The following MOV10L1 variants were observed in gnomAD, a reference collection of about 807,000 sequenced individuals.
The protein encoded by MOV10L1 is Mov10 like RNA helicase 1.
In MOV10L1, 110 loss-of-function variants were observed where a neutral mutation model predicts 143.8. That is an observed-to-expected ratio of 0.76 (90% CI 0.66 to 0.90). The LOEUF (loss-of-function observed/expected upper bound fraction) is 0.90, where lower values mean the gene tolerates loss of function less well. Among genes scored for constraint, MOV10L1 ranks in the 40% least tolerant of loss-of-function variants. The pLI is 0.00. For missense variants in MOV10L1, 1,406 were observed against 1,526.8 expected (o/e 0.92, Z 1.32); for synonymous variants, 593 against 581.1 (o/e 1.02, Z -0.29).
At chr22:50,123,730 G>A (rs1602232549) in intron 10 of MOV10L1, among the ~76,000 whole-genome samples, 2 of 152,298 alleles carry the variant, frequency 1.3e-5, no homozygotes, top group South Asian at 4.1e-4. Context: ...AGAAAGATTG[G>A]TATTAGTTAG....
intron 8 of MOV10L1, among the ~76,000 whole-genome samples, chr22:50,116,841 A>G (rs1268536188): frequency 2.6e-5 from 4 of 151,802 alleles, no homozygotes; most frequent in African/African-American, 9.7e-5. Context: ...TTTTTTGCAG[A>G]GACAGGTTCA....
At chr22:50,090,533 A>G (rs2062403642) in intron 1 of MOV10L1, 1 of 1,605,034 alleles carries the variant, frequency 6.2e-7, no homozygotes, top group Admixed American at 1.7e-5. Flanking sequence ...AAAGCCCCGA[A>G]AAACGCGGCC....
intron 6 of MOV10L1, 50 bp downstream of exon 6, chr22:50,113,838 A>G (rs1357086749): frequency 7.0e-7 from 1 of 1,433,558 alleles, no homozygotes; most frequent in East Asian, 2.6e-5. Context: ...AATGGCTTTT[A>G]CACTATGACT....
intron 1 of MOV10L1, 57 bp downstream of exon 1, chr22:50,090,242 A>AG: frequency 7.1e-7 from 1 of 1,402,648 alleles, no homozygotes; most frequent in Non-Finnish European, 9.3e-7. Flanking sequence ...GTCGGCCACG[A>AG]GGGAGCCGCG....
At chr22:50,113,906 T>A in intron 6 of MOV10L1, 118 bp downstream of exon 6, 12 of 739,370 alleles carry the variant, frequency 1.6e-5, no homozygotes, top group African/African-American at 1.9e-5. Context: ...TTTATGAAGA[T>A]CTTTTCTTTT....
chr22:50,127,770 G>GTT (rs34095613), intron 12 of MOV10L1, among the ~76,000 whole-genome samples: 23 of 150,586 alleles, frequency 1.5e-4, no homozygotes, highest in South Asian at 8.4e-4. Flanking sequence ...TGTAATGACT[G>GTT]TTTTTTTTGT....
In MOV10L1 at chr22:50,106,392, C is replaced by G. The variant is rs1045208425; in HGVS notation, c.443-1744C>G. Among the ~76,000 whole-genome samples, 6 of 144,588 alleles carry G rather than the reference C, an allele frequency of 4.1e-5. No homozygotes were observed. In the South Asian group the frequency reaches 1.3e-3, roughly 32 times the overall value. The allele number at this position is 144,588 out of a possible 152,430, so 94.9% of individuals were successfully genotyped here. On this transcript the variant is annotated intron_variant, in intron 3 of 26. Transcript: ENST00000262794. ...TGTTGCCCAGGCTGGTCTCAAACTCCTGGGCTCAAGTGATCTTCCCACCTC... is the reference window on the plus strand; with the variant it reads ...TGTTGCCCAGGCTGGTCTCAAACTCGTGGGCTCAAGTGATCTTCCCACCTC...
rs4838850 is a variant in MOV10L1 at position 50,144,832 on chromosome 22, C to G, written c.2505+589C>G. 2.5e-3 allele frequency among the ~76,000 whole-genome samples: 375 copies of G among 151,778 alleles called. 2 individuals are homozygous for G. The highest frequency in any genetic ancestry group is 3.9e-3 in the Non-Finnish European group (261 of 67,778). ...TCCTGACCTCATGATCTGCCCGCCT[C>G]GGCCTCCCAAAGTGCTGGGATTACA... On this transcript the variant is annotated intron_variant, in intron 18 of 26. Transcript: ENST00000262794.
intron 22 of MOV10L1, among the ~76,000 whole-genome samples, chr22:50,153,488 G>A (rs542710154): frequency 1.3e-5 from 2 of 152,356 alleles, no homozygotes; most frequent in African/African-American, 4.8e-5. Flanking sequence ...CAAGAGAAGC[G>A]AAGCTGCCCA....
At chr22:50,099,239 C>G (rs1261296458) in intron 2 of MOV10L1, among the ~76,000 whole-genome samples, 1 of 152,198 alleles carries the variant, frequency 6.6e-6, no homozygotes, top group Non-Finnish European at 1.5e-5. Flanking sequence ...CCCAGAGAAC[C>G]CCTTTGCCCT....
intron 3 of MOV10L1, among the ~76,000 whole-genome samples, chr22:50,107,179 A>G (rs1489753645): frequency 6.6e-6 from 1 of 150,832 alleles, no homozygotes; most frequent in Non-Finnish European, 1.5e-5. Flanking sequence ...GGTTCACGCC[A>G]TTCTCCTGCC....
chr22:50,136,543 C>T (rs568650271), intron 15 of MOV10L1, among the ~76,000 whole-genome samples: 1 of 152,324 alleles, frequency 6.6e-6, no homozygotes, highest in South Asian at 2.1e-4. Context: ...AGAGAGGAAA[C>T]AAATGAGGTG....
chr22:50,137,377 A>G (rs746842826), intron 15 of MOV10L1, among the ~76,000 whole-genome samples: 3 of 152,210 alleles, frequency 2.0e-5, no homozygotes, highest in Non-Finnish European at 2.9e-5. Context: ...TGAAAAATAT[A>G]TTGGACAGAA....
Position 50,092,074 on chromosome 22 carries a change from G to A in MOV10L1, c.171G>A (p.Met57Ile), listed in dbSNP as rs1729271923. Reference protein sequence around the residue: ...YCSDYGMIDDMIYFSSDAVTS... With the variant: ...YCSDYGMIDDIIYFSSDAVTS... Reference sequence around the variant, plus strand: ...GCGATTATGGCATGATTGATGATATGATCTACTTCTCCAGTGATGCTGTGA... The same window carrying A: ...GCGATTATGGCATGATTGATGATATAATCTACTTCTCCAGTGATGCTGTGA... Residue 57 changes from methionine (M) to isoleucine (I), a missense_variant, in exon 2 of 27, where the codon ATG (methionine) becomes ATA (isoleucine). Coordinates refer to ENST00000262794, the MANE Select transcript of MOV10L1 (RefSeq NM_018995.3). 12 of 1,614,164 alleles carry A rather than the reference G, an allele frequency of 7.4e-6. No homozygotes were observed. The highest frequency in any genetic ancestry group is 1.0e-5 in the Non-Finnish European group (12 of 1,180,018).
intron 17 of MOV10L1, among the ~76,000 whole-genome samples, chr22:50,143,595 G>C (rs2063052009): frequency 6.6e-6 from 1 of 152,080 alleles, no homozygotes; most frequent in Admixed American, 6.5e-5. Context: ...ACTTTTGATG[G>C]GGTTACAACC....
chr22:50,144,410 G>T (rs1008347921), intron 18 of MOV10L1, among the ~76,000 whole-genome samples, 167 bp downstream of exon 18: 1 of 152,012 alleles, frequency 6.6e-6, no homozygotes, highest in Non-Finnish European at 1.5e-5. Context: ...CCGCTAAATG[G>T]TGGAGCTTGA....
chr22:50,137,472 C>T (rs1195879169), intron 15 of MOV10L1, among the ~76,000 whole-genome samples: 1 of 151,958 alleles, frequency 6.6e-6, no homozygotes, highest in Admixed American at 6.6e-5. Context: ...GGAACAGAGG[C>T]GGAGGCTGCA....
At chr22:50,117,121 A>G (rs758276562) in intron 8 of MOV10L1, 36 bp from the exon 9 acceptor site, 23 of 1,576,924 alleles carry the variant, frequency 1.5e-5, no homozygotes, top group East Asian at 2.2e-5. Flanking sequence ...TATCTTATTT[A>G]TGACTAAAAC....
At chr22:50,155,763 C>T (rs1231035094) in intron 22 of MOV10L1, among the ~76,000 whole-genome samples, 9 of 152,186 alleles carry the variant, frequency 5.9e-5, no homozygotes, top group Admixed American at 2.6e-4. Context: ...CGTGAGCCAC[C>T]GCACCCCGCC....
Sources: gnomAD v4.1 joint callset for allele counts (sites outside exome capture counted in the v4.1 genomes callset) on GRCh38, gnomAD v4.1.1 for gene constraint, MANE v1.5 for transcripts, NCBI Gene and HGNC (gene_info 2026-07-23, HGNC 2026-07-21) for gene names.